Variants in LARS1 observed in about 807,000 individuals in gnomAD.
The protein encoded by LARS1 is leucine--tRNA ligase, cytoplasmic.
Under a neutral mutation model 162.8 loss-of-function variants are expected in LARS1, and 100 were observed. The ratio of observed to expected loss-of-function variants is 0.61; its 90% CI spans 0.52 to 0.73. The LOEUF (loss-of-function observed/expected upper bound fraction) is 0.73. Among genes scored for constraint, LARS1 ranks in the 30% least tolerant of loss-of-function variants. The probability of loss-of-function intolerance (pLI) is 0.00; values close to 1 mark genes in which losing one functional copy is unlikely to be tolerated. For synonymous variants in LARS1, 457 were observed against 462.8 expected (o/e 0.99, Z 0.16); for missense variants, 1,258 against 1,408.9 (o/e 0.89, Z 1.71).
intron 21 of LARS1, among the ~76,000 whole-genome samples, chr5:146,139,871 T>TG (rs1212550121): frequency 8.6e-5 from 1 of 11,656 alleles, no homozygotes; most frequent in African/African-American, 3.6e-4. Context: ...AGACTCCGTC[T>TG]CAAAAAAAAA....
chr5:146,182,421 G>A, intron 1 of LARS1, 67 bp downstream of exon 1: 5 of 1,599,620 alleles, frequency 3.1e-6, no homozygotes, highest in African/African-American at 1.3e-5. Flanking sequence ...GACAGCACAT[G>A]GAGAGCCCCT....
intron 15 of LARS1, among the ~76,000 whole-genome samples, chr5:146,146,341 A>G (rs932598231): frequency 3.3e-5 from 3 of 91,728 alleles, no homozygotes; most frequent in Admixed American, 1.5e-4. Flanking sequence ...AAAACTCCGA[A>G]AAAAAAAAAA....
In LARS1 at chr5:146,122,526, C is replaced by T. The variant is rs780589430; in HGVS notation, c.3158G>A (p.Cys1053Tyr). The change falls in exon 30 of 32, where the codon TGT (cysteine) becomes TAT (tyrosine). Residue 1053 changes from cysteine to tyrosine, a missense_variant. By Grantham distance (194) the Cys-to-Tyr change is radical (BLOSUM62 -2). Coordinates refer to ENST00000394434, the MANE Select transcript of LARS1 (RefSeq NM_020117.11). ...EAEDKIREDC[C>Y]PGKPLNVFRI... Reference sequence around the variant, plus strand: ...AAAAACATTAAGTGGTTTCCCAGGACAGCAGTCTTCCCTGATTTTATCTTC... The same window carrying T: ...AAAAACATTAAGTGGTTTCCCAGGATAGCAGTCTTCCCTGATTTTATCTTC... 13 of 1,608,102 alleles carry T rather than the reference C, an allele frequency of 8.1e-6. No homozygotes were observed. The East Asian group carries it at 2.9e-4, about 36-fold the overall frequency.
At chr5:146,143,273 C>T in intron 19 of LARS1, 139 bp downstream of exon 19, 1 of 1,105,776 alleles carries the variant, frequency 9.0e-7, no homozygotes, top group Non-Finnish European at 1.3e-6. Context: ...ATTAATTTTT[C>T]CCAGTTCAAT....
intron 19 of LARS1, 142 bp from the exon 20 acceptor site, chr5:146,143,226 A>T: frequency 1.2e-6 from 1 of 831,366 alleles, no homozygotes; most frequent in African/African-American, 1.7e-5. Context: ...AGCTTCCATA[A>T]GAATGAAGAA....
intron 1 of LARS1, among the ~76,000 whole-genome samples, chr5:146,181,793 A>G (rs556037630): frequency 1.4e-5 from 2 of 145,298 alleles, no homozygotes; most frequent in African/African-American, 5.3e-5. Flanking sequence ...CACACACATA[A>G]ACACTATGAA....
chr5:146,173,134 G>A (rs909618749), intron 2 of LARS1, among the ~76,000 whole-genome samples: 5 of 152,118 alleles, frequency 3.3e-5, no homozygotes, highest in Non-Finnish European at 5.9e-5. Context: ...GACTGCTTGA[G>A]GCCAGGAGTT....
chr5:146,160,662 G>A (rs1753741922), intron 6 of LARS1, among the ~76,000 whole-genome samples, 176 bp from the exon 7 acceptor site: 1 of 143,660 alleles, frequency 7.0e-6, no homozygotes, highest in Non-Finnish European at 1.6e-5. Context: ...TTTACTTAAA[G>A]TATATTTTTA....
chr5:146,119,955 A>G (rs903764350), intron 31 of LARS1, among the ~76,000 whole-genome samples: 5 of 152,330 alleles, frequency 3.3e-5, no homozygotes, highest in African/African-American at 1.2e-4. Context: ...TACATGGAAG[A>G]CATGCAATAA....
chr5:146,126,455 G>C lies in LARS1; in HGVS notation c.2971C>G (p.Pro991Ala), dbSNP rs759866385. Reference protein sequence around the residue: ...ELKKYMKKVMPFVAMIKENLE... With the variant: ...ELKKYMKKVMAFVAMIKENLE... ...CTTACCTTAATCATGGCAACAAATG[G>C]CATGACTTTCTTCATGTATTTCTTC... Residue 991 changes from proline to alanine, a missense_variant, in exon 28 of 32, where the codon CCA (proline) becomes GCA (alanine). Transcript: ENST00000394434. 1 of 1,608,892 alleles carries C rather than the reference G, an allele frequency of 6.2e-7. No homozygotes were observed. The highest frequency in any genetic ancestry group is 1.7e-5 in the Admixed American group (1 of 59,826).
Position 146,177,536 on chromosome 5 carries a change from C to T in LARS1, c.125+11G>A. On this transcript the variant is annotated intron_variant, in intron 2 of 31. Coordinates refer to ENST00000394434, the MANE Select transcript of LARS1 (RefSeq NM_020117.11). ...AATACAATGTGCAGAACTTCACAAA[C>T]TATTACTCACCTGGTCTGTTTCTCT... is the stretch of plus-strand genomic sequence containing the variant. The T allele has an allele frequency of 9.7e-7, 1 of 1,035,328 alleles. No homozygotes were observed. Among genetic ancestry groups the T allele is most frequent in the Non-Finnish European group, 1.4e-6 (1 of 699,466 alleles). The allele number at this position is 1,035,328 out of a possible 1,614,324, so 64.1% of individuals were successfully genotyped here.
intron 14 of LARS1, among the ~76,000 whole-genome samples, chr5:146,150,942 GACAC>G (rs3995492): frequency 0.012 from 1,624 of 134,878 alleles, 27 homozygotes; most frequent in African/African-American, 0.037. Flanking sequence ...CCGTCAGATA[GACAC>G]ACACACACAC....
intron 1 of LARS1, among the ~76,000 whole-genome samples, chr5:146,180,292 G>A (rs1754777444): frequency 6.6e-6 from 1 of 152,120 alleles, no homozygotes; most frequent in Non-Finnish European, 1.5e-5. Flanking sequence ...CAGCACTCTG[G>A]GAGGCCAAGG....
chr5:146,128,488 CAGCTTTTCCCTCAG>C (rs1236152471), intron 27 of LARS1, among the ~76,000 whole-genome samples, 170 bp downstream of exon 27: 1 of 93,940 alleles, frequency 1.1e-5, no homozygotes, highest in Non-Finnish European at 2.9e-5. Flanking sequence ...AGGAAAACAG[CAGCTTTTCCCTCAG>C]CATCCATTTA....
intron 24 of LARS1, 48 bp downstream of exon 24, chr5:146,130,971 T>C (rs372064359): frequency 1.3e-5 from 14 of 1,037,620 alleles, no homozygotes; most frequent in Non-Finnish European, 2.0e-5. Context: ...AAATACATAA[T>C]GTTCACATTG....
At chr5:146,150,982 C>CACACACAA (rs1358228444) in intron 14 of LARS1, among the ~76,000 whole-genome samples, 4 of 151,042 alleles carry the variant, frequency 2.6e-5, no homozygotes, top group Non-Finnish European at 4.4e-5. Flanking sequence ...CACACACACA[C>CACACACAA]AAATGTAAAT....
At chr5:146,148,012 G>C (rs1337251107) in intron 15 of LARS1, among the ~76,000 whole-genome samples, 1 of 152,136 alleles carries the variant, frequency 6.6e-6, no homozygotes, top group Non-Finnish European at 1.5e-5. Context: ...AAGATGATGA[G>C]GTAATACCTT....
chr5:146,134,084 A>T (rs12153238), intron 22 of LARS1, among the ~76,000 whole-genome samples: 33,860 of 152,064 alleles, frequency 0.22, 4,829 homozygotes, highest in Admixed American at 0.34. Context: ...TCTCAGGTAA[A>T]CTGCCCACCT....
In LARS1 at chr5:146,114,110, T is replaced by G. The variant is rs763175108; in HGVS notation, c.3527A>C (p.His1176Pro). Reference sequence around the variant, plus strand: ...AAATCTCCAATGTGCATGAGTTTAATGAACCAGATAGATTATTGTATCGCC... The same window carrying G: ...AAATCTCCAATGTGCATGAGTTTAAGGAACCAGATAGATTATTGTATCGCC... ...DIGDTIIYLV[H>P] The change falls in exon 32 of 32, where the codon CAT becomes CCT. Residue 1176 changes from histidine (H) to proline (P), a missense_variant. His to Pro is a moderately conservative substitution (Grantham distance 77). Coordinates refer to ENST00000394434, the MANE Select transcript of LARS1 (RefSeq NM_020117.11). 2 of 1,610,974 alleles carry G rather than the reference T, an allele frequency of 1.2e-6. No homozygotes were observed. Among genetic ancestry groups the G allele is most frequent in the East Asian group, 4.5e-5 (2 of 44,872 alleles).
Sources: allele counts gnomAD v4.1 joint callset (sites outside exome capture counted in the v4.1 genomes callset), GRCh38; gene constraint gnomAD v4.1.1; transcripts MANE v1.5; gene names NCBI Gene and HGNC (gene_info 2026-07-23, HGNC 2026-07-21).